The following TBL1XR1 variants were observed in gnomAD, a reference collection of about 807,000 sequenced individuals.
TBL1XR1 encodes TBL1X/Y related 1, also known as F-box-like/WD repeat-containing protein TBL1XR1.
In TBL1XR1, 5 loss-of-function variants were observed where a neutral mutation model predicts 66.9. The ratio of observed to expected loss-of-function variants is 0.07; its 90% CI spans 0.04 to 0.16. The LOEUF (loss-of-function observed/expected upper bound fraction) is 0.16. Ranked by LOEUF, TBL1XR1 falls within the 10% of genes least tolerant of loss-of-function variation. The probability of loss-of-function intolerance (pLI) is 1.00; values close to 1 mark genes in which losing one functional copy is unlikely to be tolerated. For missense variants in TBL1XR1, 238 were observed against 623.2 expected, an observed-to-expected ratio of 0.38 and a Z score of 6.58; for synonymous variants, 210 against 206.0, an observed-to-expected ratio of 1.02 and a Z score of -0.17.
chr3:177,174,935 C>CT (rs1418638421), intron 1 of TBL1XR1, among the ~76,000 whole-genome samples: 20 of 152,152 alleles, frequency 1.3e-4, no homozygotes, highest in Non-Finnish European at 2.8e-4. Context: ...GATATGAGCC[C>CT]TGCTTACCAA....
chr3:177,197,611 G>C (rs1737046313), upstream of TBL1XR1, among the ~76,000 whole-genome samples: 1 of 136,728 alleles, frequency 7.3e-6, no homozygotes, highest in Non-Finnish European at 1.6e-5. Flanking sequence ...AACCCGAGCG[G>C]CCTGCGCCGG....
chr3:177,084,178 A>C (rs1721838547), intron 2 of TBL1XR1, among the ~76,000 whole-genome samples: 2 of 152,230 alleles, frequency 1.3e-5, no homozygotes, highest in Admixed American at 1.3e-4. Context: ...AGTAAGTTTT[A>C]ACAAACGTAT....
intron 1 of TBL1XR1, among the ~76,000 whole-genome samples, chr3:177,127,890 A>G (rs1727831372): frequency 6.6e-6 from 1 of 152,200 alleles, no homozygotes; most frequent in East Asian, 1.9e-4. Context: ...AGATATTAAA[A>G]ACATTTACTA....
chr3:177,166,616 C>T (rs1015552229), intron 1 of TBL1XR1, among the ~76,000 whole-genome samples: 1 of 152,164 alleles, frequency 6.6e-6, no homozygotes, highest in African/African-American at 2.4e-5. Context: ...GTTAGAAGTG[C>T]CTGCTTCCCC....
chr3:177,138,325 T>G (rs961234936), intron 1 of TBL1XR1, among the ~76,000 whole-genome samples: 5 of 152,080 alleles, frequency 3.3e-5, no homozygotes, highest in Non-Finnish European at 5.9e-5. Flanking sequence ...CTGGGTGCAA[T>G]GGCAAACACC....
chr3:177,036,396 G>A (rs1714789254), intron 12 of TBL1XR1, among the ~76,000 whole-genome samples: 1 of 152,216 alleles, frequency 6.6e-6, no homozygotes, highest in East Asian at 1.9e-4. Context: ...CTCAGAAAAC[G>A]GCCCATTACA....
chr3:177,050,510 G>C lies in TBL1XR1; in HGVS notation c.528C>G (p.Ala176=). The C allele has an allele frequency of 6.2e-7, 1 of 1,613,756 alleles. No homozygotes were observed. The change falls in exon 6 of 16, where the codon GCC becomes GCG. Residue 176 remains alanine (A), a synonymous_variant. Coordinates refer to ENST00000457928, the MANE Select transcript of TBL1XR1 (RefSeq NM_024665.7). ...CTAGGAGATCACTAACAGGGTTCCA[G>C]GCACAGATAAAAACTTCAGATTCAT... The part of the protein sequence containing the change: ...RGHESEVFIC[A]WNPVSDLLAS...
intron 1 of TBL1XR1, among the ~76,000 whole-genome samples, chr3:177,177,380 G>A (rs1734286010): frequency 6.6e-6 from 1 of 152,104 alleles, no homozygotes; most frequent in Admixed American, 6.5e-5. Flanking sequence ...AACCCAGGAG[G>A]CAGAGGTTGC....
intron 1 of TBL1XR1, among the ~76,000 whole-genome samples, chr3:177,115,906 C>T (rs1184515142): frequency 6.6e-6 from 1 of 152,158 alleles, no homozygotes; most frequent in Non-Finnish European, 1.5e-5. Context: ...CAGCCAGAGG[C>T]AGCCATATTG....
At chr3:177,122,130 T>C (rs1350866820) in intron 1 of TBL1XR1, among the ~76,000 whole-genome samples, 1 of 152,140 alleles carries the variant, frequency 6.6e-6, no homozygotes, top group South Asian at 2.1e-4. Flanking sequence ...TCTACAATGT[T>C]GATTAATTCA....
chr3:177,054,676 T>C (rs1717577391), intron 3 of TBL1XR1, among the ~76,000 whole-genome samples: 1 of 152,176 alleles, frequency 6.6e-6, no homozygotes, highest in Admixed American at 6.5e-5. Context: ...TAAAAAATCA[T>C]AACGGTTAAA....
intron 3 of TBL1XR1, 102 bp from the exon 4 acceptor site, chr3:177,054,020 C>T (rs942770517): frequency 6.2e-6 from 8 of 1,295,926 alleles, no homozygotes; most frequent in Non-Finnish European, 8.5e-6. Flanking sequence ...TCCCATCCTA[C>T]CCATTTAAAA....
chr3:177,175,804 A>C (rs1267923574), intron 1 of TBL1XR1, among the ~76,000 whole-genome samples: 2 of 152,154 alleles, frequency 1.3e-5, no homozygotes, highest in Non-Finnish European at 2.9e-5. Context: ...CATGCCTGTA[A>C]TCCTAGCACT....
chr3:177,086,178 G>A (rs939011491), intron 2 of TBL1XR1, among the ~76,000 whole-genome samples: 3 of 150,082 alleles, frequency 2.0e-5, no homozygotes, highest in South Asian at 2.1e-4. Context: ...AAAGAAACAG[G>A]CAGAATTTAT....
chr3:177,096,543 G>A (rs1340413223), intron 2 of TBL1XR1, among the ~76,000 whole-genome samples: 4 of 152,168 alleles, frequency 2.6e-5, no homozygotes, highest in Non-Finnish European at 5.9e-5. Flanking sequence ...CATGACACCT[G>A]TATCTCAGAT....
At chr3:177,181,479 T>TAA (rs11420978) in intron 1 of TBL1XR1, among the ~76,000 whole-genome samples, 4,551 of 137,752 alleles carry the variant, frequency 0.033, 248 homozygotes, top group African/African-American at 0.11. Context: ...GACTCCGTCT[T>TAA]AAAAAAAAAA....
rs550289847 is a variant in TBL1XR1, at chr3:177,087,229, A to T, written c.-46+11237T>A. Among the ~76,000 whole-genome samples, 222 of 72,436 alleles carry T rather than the reference A, an allele frequency of 3.1e-3. 2 individuals carry two copies. Among genetic ancestry groups the T allele is most frequent in the African/African-American group, 0.01 (209 of 20,322 alleles). The allele number at this position is 72,436 out of a possible 152,430, so 47.5% of individuals were successfully genotyped here. On this transcript the variant is annotated intron_variant, in intron 2 of 15. Transcript: ENST00000457928. ...TGATTTTTACTTACTTTTTTATTTA[A>T]AAAAAAAATTAAACTAATCAAAATG... is the stretch of plus-strand genomic sequence containing the variant.
At chr3:177,153,055 C>T (rs766867771) in intron 1 of TBL1XR1, among the ~76,000 whole-genome samples, 3 of 152,200 alleles carry the variant, frequency 2.0e-5, no homozygotes, top group East Asian at 3.9e-4. Context: ...GCACGAGAAT[C>T]GCCCGGGAAG....
intron 7 of TBL1XR1, chr3:177,047,830 G>A (rs544576687): frequency 2.5e-5 from 9 of 362,730 alleles, no homozygotes; most frequent in Middle Eastern, 1.6e-3. Flanking sequence ...CATGCCAAAA[G>A]TATTCTCACA....
Sources: gnomAD v4.1 joint callset for allele counts (sites outside exome capture counted in the v4.1 genomes callset) on GRCh38, gnomAD v4.1.1 for gene constraint, MANE v1.5 for transcripts, NCBI Gene and HGNC (gene_info 2026-07-23, HGNC 2026-07-21) for gene names.